GGA2: variants seen among roughly 807,000 people sequenced by gnomAD.
GGA2 encodes the protein golgi associated, gamma adaptin ear containing, ARF binding protein 2, also known as ADP-ribosylation factor-binding protein GGA2.
A neutral mutation model predicts 79.5 loss-of-function variants in GGA2; 48 were observed. The ratio of observed to expected loss-of-function variants is 0.60; its 90% CI spans 0.48 to 0.77. GGA2 has a LOEUF of 0.77. GGA2 is among the 30% of genes least tolerant of loss of function. GGA2 has a pLI of 0.00. For missense variants in GGA2, 770 were observed against 774.0 expected (o/e 0.99, Z 0.06); for synonymous variants, 317 against 302.0 (o/e 1.05, Z -0.51).
At chr16:23,499,725 G>A (rs1964899373) in intron 1 of GGA2, among the ~76,000 whole-genome samples, 1 of 152,206 alleles carries the variant, frequency 6.6e-6, no homozygotes, top group South Asian at 2.1e-4. Context: ...GCCCCCCAAA[G>A]TGTTAGGATT....
Position 23,489,884 on chromosome 16 carries a change from C to T in GGA2, c.476-1175G>A, listed in dbSNP as rs140094366. ...TAGAGAAAAAACAGGGGAGAAAAAA[C>T]AAAAACAAACCCTAGTACCCTTGGA... On this transcript the variant is annotated intron_variant, in intron 5 of 16. Coordinates refer to ENST00000309859, the MANE Select transcript of GGA2 (RefSeq NM_015044.4). Among the ~76,000 whole-genome samples the T allele has an allele frequency of 4.1e-3, 623 of 152,246 alleles. 4 individuals are homozygous for T. Among genetic ancestry groups the T allele is most frequent in the African/African-American group, 0.015 (604 of 41,534 alleles).
At chr16:23,506,818 A>G (rs1964978701) in intron 1 of GGA2, among the ~76,000 whole-genome samples, 1 of 152,158 alleles carries the variant, frequency 6.6e-6, no homozygotes, top group African/African-American at 2.4e-5. Context: ...ACTTGTTTGC[A>G]TGTGCAATCA....
Position 23,510,382 on chromosome 16 carries a change from C to A in GGA2, c.30G>T (p.Val10=). The change falls in exon 1 of 17, where the codon GTG becomes GTT. Residue 10 remains valine, a synonymous_variant. Transcript: ENST00000309859. MAATAVAAA[V]AGTESAQGPP... Reference sequence around the variant, plus strand: ...GACCCTGGGCCGACTCGGTTCCCGCCACAGCCGCCGCCACCGCGGTCGCCG... The same window carrying A: ...GACCCTGGGCCGACTCGGTTCCCGCAACAGCCGCCGCCACCGCGGTCGCCG... The A allele has an allele frequency of 7.1e-7, 1 of 1,413,320 alleles. No individual in the cohort carries two copies. The highest frequency in any genetic ancestry group is 9.2e-7 in the Non-Finnish European group (1 of 1,082,474). 87.5% of individuals were successfully genotyped at this position (1,413,320 alleles called of 1,614,324 possible).
chr16:23,477,748 A>AAAAC (rs554950190), intron 13 of GGA2, among the ~76,000 whole-genome samples: 7 of 152,102 alleles, frequency 4.6e-5, no homozygotes, highest in African/African-American at 7.2e-5. Flanking sequence ...CTCCATCTCA[A>AAAAC]AAACAAACAA....
At chr16:23,504,903 T>G (rs973349428) in intron 1 of GGA2, among the ~76,000 whole-genome samples, 2 of 152,202 alleles carry the variant, frequency 1.3e-5, no homozygotes, top group Non-Finnish European at 1.5e-5. Context: ...AGAAAACAGC[T>G]GAGACCTCCG....
intron 13 of GGA2, among the ~76,000 whole-genome samples, chr16:23,477,218 C>A (rs1328220493): frequency 1.3e-5 from 2 of 152,154 alleles, no homozygotes; most frequent in African/African-American, 4.8e-5. Flanking sequence ...TCCCAAAGTT[C>A]TGGGATTACA....
chr16:23,495,501 C>T (rs372233719), intron 2 of GGA2, 193 bp downstream of exon 2: 46 of 388,082 alleles, frequency 1.2e-4, no homozygotes, highest in African/African-American at 8.5e-4. Flanking sequence ...CTCACTCTGT[C>T]ACCCAGGCAG....
At position 23,481,373 on chromosome 16, in the gene GGA2, C is replaced by T. The variant is rs541067597; in HGVS notation, c.881-603G>A. On this transcript the variant is annotated intron_variant, in intron 9 of 16. Coordinates refer to ENST00000309859, the MANE Select transcript of GGA2 (RefSeq NM_015044.4). ...GGGCAGCAAGAGCGAAACTCCATCTCAAGAAAAAAAGAAATATCAGAAACA... is the reference window on the plus strand; with the variant it reads ...GGGCAGCAAGAGCGAAACTCCATCTTAAGAAAAAAAGAAATATCAGAAACA... Among the ~76,000 whole-genome samples the T allele has an allele frequency of 8.6e-5, 13 of 152,038 alleles. 1 individual carries two copies. Among genetic ancestry groups the T allele is most frequent in the African/African-American group, 2.9e-4 (12 of 41,460 alleles).
chr16:23,513,279 T>C (rs1044570393), upstream of GGA2, among the ~76,000 whole-genome samples: 8 of 65,790 alleles, frequency 1.2e-4, no homozygotes, highest in African/African-American at 2.4e-4. Flanking sequence ...TACTTTGAAC[T>C]CAAAGACAGT....
At chr16:23,522,135 C>G, upstream of GGA2, 1 of 241,236 alleles carries the variant, frequency 4.1e-6, no homozygotes, top group East Asian at 9.2e-5. Context: ...TTATTATTGT[C>G]CCCTTCTGTG....
intron 12 of GGA2, 97 bp downstream of exon 12, chr16:23,478,786 C>T (rs1203458871): frequency 1.1e-6 from 1 of 880,620 alleles, no homozygotes; most frequent in Non-Finnish European, 1.9e-6. Flanking sequence ...CGGGACAGTG[C>T]AGGAGCACCT....
Position 23,486,149 on chromosome 16 carries a change from G to C in GGA2, c.664C>G (p.Gln222Glu). The C allele has an allele frequency of 1.2e-6, 2 of 1,613,660 alleles. No homozygotes were observed. The highest frequency in any genetic ancestry group is 1.7e-6 in the Non-Finnish European group (2 of 1,179,678). ...RLIKNLVKEE[Q>E]EKSEKVSKRV... is the part of the protein sequence containing the mutation. ...TTGGACACCTTCTCCGATTTTTCTT[G>C]TTCCTTTTGGGAAAAAGAGGAGGAT... The change falls in exon 8 of 17, where the codon CAA becomes GAA. Residue 222 changes from glutamine to glutamate, a missense_variant. Transcript: ENST00000309859.
intron 5 of GGA2, among the ~76,000 whole-genome samples, chr16:23,489,257 C>G (rs780355430): frequency 5.9e-5 from 9 of 152,186 alleles, no homozygotes; most frequent in Non-Finnish European, 1.3e-4. Context: ...GTTTTTGAGA[C>G]AGATTCTTGC....
intron 4 of GGA2, 106 bp from the exon 5 acceptor site, chr16:23,491,906 C>A (rs878994061): frequency 6.9e-6 from 5 of 724,104 alleles, no homozygotes; most frequent in East Asian, 2.7e-5. Flanking sequence ...AGCTCCCAGG[C>A]GCGGTATGAG....
chr16:23,520,637 G>GC (rs1965133900), intron 1 of GGA2, among the ~76,000 whole-genome samples: 1 of 150,158 alleles, frequency 6.7e-6, no homozygotes, highest in Non-Finnish European at 1.5e-5. Context: ...GTCTGGGCAG[G>GC]CAACAGAGCA....
At chr16:23,516,911 G>C (rs1965106585) in intron 2 of GGA2, among the ~76,000 whole-genome samples, 1 of 152,188 alleles carries the variant, frequency 6.6e-6, no homozygotes, top group Non-Finnish European at 1.5e-5. Flanking sequence ...GCAGAGGCCT[G>C]ACTGCTGCAG....
rs1354646436 is a variant in GGA2, at chr16:23,466,150, A to T, written c.*1440T>A. ...GATTTCCACTATATGTAGAAGTCAA[A>T]AGATCAGACTGTAAAAATATCAGAT... On this transcript the variant is annotated 3_prime_UTR_variant, in exon 17 of 17. Coordinates refer to ENST00000309859, the MANE Select transcript of GGA2 (RefSeq NM_015044.4). The T allele has an allele frequency of 6.6e-6, 1 of 152,184 alleles. No homozygotes were observed. Among genetic ancestry groups the T allele is most frequent in the African/African-American group, 2.4e-5 (1 of 41,448 alleles). The allele number at this position is 152,184 out of a possible 1,614,324, so 9.4% of individuals were successfully genotyped here.
intron 13 of GGA2, among the ~76,000 whole-genome samples, chr16:23,475,360 T>A (rs1460767827): frequency 6.6e-6 from 1 of 151,738 alleles, no homozygotes; most frequent in Non-Finnish European, 1.5e-5. Flanking sequence ...CGACTAATTT[T>A]TGTATTTTTA....
Position 23,474,916 on chromosome 16 carries a change from A to G in GGA2, c.1438T>C (p.Ser480Pro), listed in dbSNP as rs749914872. The G allele has an allele frequency of 4.3e-6, 7 of 1,611,656 alleles. No individual in the cohort carries two copies. The highest frequency in any genetic ancestry group is 5.1e-6 in the Non-Finnish European group (6 of 1,178,096). The change falls in exon 14 of 17, where the codon TCT (serine) becomes CCT (proline). Residue 480 changes from serine (S) to proline (P), a missense_variant. Transcript: ENST00000309859. Reference sequence around the variant, plus strand: ...AAATTGTACTTACTGGGCTTAACAGACTCCAAAGGGACAAACACTTGAGCC... The same window carrying G: ...AAATTGTACTTACTGGGCTTAACAGGCTCCAAAGGGACAAACACTTGAGCC... ...PLAQVFVPLESVKPSSLPPLI... is the reference protein window; with the variant it reads ...PLAQVFVPLEPVKPSSLPPLI...
Sources: gnomAD v4.1 joint callset for allele counts (sites outside exome capture counted in the v4.1 genomes callset) on GRCh38, gnomAD v4.1.1 for gene constraint, MANE v1.5 for transcripts, NCBI Gene and HGNC (gene_info 2026-07-23, HGNC 2026-07-21) for gene names.